Variants in LOC400499 observed in about 807,000 individuals in gnomAD.
At chr16:11,385,448 C>G in the LOC400499 span, 1 of 1,226,164 alleles carries the variant, frequency 8.2e-7, no homozygotes, top group Admixed American at 4.2e-5. Flanking sequence ...GCAGGGTGAG[C>G]GGGGCCAGCT....
At chr16:11,500,511 A>AAATAATAATAAT in the LOC400499 span, among the ~76,000 whole-genome samples, 4,328 of 143,856 alleles carry the variant, frequency 0.03, 143 homozygotes, top group African/African-American at 0.075. Context: ...ACTCCGTCCT[A>AAATAATAATAAT]AATAATAATA....
At chr16:11,376,573 C>T in the LOC400499 span, among the ~76,000 whole-genome samples, 2 of 152,208 alleles carry the variant, frequency 1.3e-5, no homozygotes, top group African/African-American at 4.8e-5. Flanking sequence ...TACGCCAGTA[C>T]CACACTTTTG....
chr16:11,433,725 G>A, the LOC400499 span, among the ~76,000 whole-genome samples: 5 of 152,252 alleles, frequency 3.3e-5, no homozygotes, highest in African/African-American at 1.2e-4. Flanking sequence ...TTAATAAGCG[G>A]TCATGCCCGC....
At chr16:11,429,318 G>A in the LOC400499 span, among the ~76,000 whole-genome samples, 2 of 152,120 alleles carry the variant, frequency 1.3e-5, no homozygotes, top group Non-Finnish European at 1.5e-5. Context: ...TGGCAGAGGA[G>A]AAGATGCACC....
At chr16:11,491,930 C>T in the LOC400499 span, 6 of 396,468 alleles carry the variant, frequency 1.5e-5, no homozygotes, top group African/African-American at 1.0e-4. Flanking sequence ...AGCAGGTGGA[C>T]CTGCTGCCTA....
the LOC400499 span, among the ~76,000 whole-genome samples, chr16:11,505,646 C>G: frequency 6.6e-6 from 1 of 151,620 alleles, no homozygotes; most frequent in Non-Finnish European, 1.5e-5. Flanking sequence ...GGCTCTCTCC[C>G]TGTGTTGCCC....
At chr16:11,432,565 C>T in the LOC400499 span, among the ~76,000 whole-genome samples, 1 of 152,206 alleles carries the variant, frequency 6.6e-6, no homozygotes, top group African/African-American at 2.4e-5. Flanking sequence ...AAGGTTCCTA[C>T]TCCAGGGTCA....
chr16:11,502,776 G>C, the LOC400499 span, among the ~76,000 whole-genome samples: 1 of 151,316 alleles, frequency 6.6e-6, no homozygotes, highest in South Asian at 2.1e-4. Flanking sequence ...GACCACGTCT[G>C]GCTTATTTTT....
At chr16:11,525,254 C>T in the LOC400499 span, among the ~76,000 whole-genome samples, 2,792 of 147,086 alleles carry the variant, frequency 0.019, 83 homozygotes, top group African/African-American at 0.067. Context: ...CTGGTGCGAT[C>T]GTATTCCAGC....
At chr16:11,447,878 T>A in the LOC400499 span, 2 of 1,498,222 alleles carry the variant, frequency 1.3e-6, no homozygotes, top group Admixed American at 2.1e-5. Context: ...GGATGCTCCG[T>A]GCTAGAGAAG....
the LOC400499 span, chr16:11,518,773 C>G: frequency 2.5e-6 from 1 of 397,164 alleles, no homozygotes; most frequent in Non-Finnish European, 4.4e-6. Context: ...ACAGAGAGGT[C>G]ACCCTAACCA....
the LOC400499 span, chr16:11,447,008 G>A: frequency 7.3e-7 from 1 of 1,376,374 alleles, no homozygotes; most frequent in Admixed American, 2.5e-5. Flanking sequence ...CCTGTCACGA[G>A]CTTGCAGAGT....
chr16:11,390,537 G>A, the LOC400499 span: 10 of 1,163,894 alleles, frequency 8.6e-6, no homozygotes, highest in Non-Finnish European at 1.1e-5. Context: ...AGACACGCCA[G>A]GCCTCGAGGA....
At chr16:11,387,393 G>C in the LOC400499 span, 1 of 999,500 alleles carries the variant, frequency 1.0e-6, no homozygotes, top group Non-Finnish European at 1.3e-6. Context: ...GAGCTCTGCA[G>C]TGGAGAGCAT....
the LOC400499 span, among the ~76,000 whole-genome samples, chr16:11,468,012 G>A: frequency 6.6e-6 from 1 of 152,100 alleles, no homozygotes; most frequent in Non-Finnish European, 1.5e-5. Flanking sequence ...CCACCTCCAA[G>A]CCAAGGAGCT....
At chr16:11,474,889 G>A in the LOC400499 span, among the ~76,000 whole-genome samples, 1,918 of 152,100 alleles carry the variant, frequency 0.013, 47 homozygotes, top group African/African-American at 0.044. Context: ...GTACAATATC[G>A]GGATCCCAAT....
At chr16:11,405,914 C>T in the LOC400499 span, among the ~76,000 whole-genome samples, 1 of 152,210 alleles carries the variant, frequency 6.6e-6, no homozygotes, top group East Asian at 1.9e-4. Flanking sequence ...TCCCCACCCA[C>T]CCAGCTCCAG....
chr16:11,493,734 C>T, the LOC400499 span: 2 of 395,758 alleles, frequency 5.1e-6, no homozygotes, highest in Non-Finnish European at 4.4e-6. Context: ...AGGCACTCAA[C>T]GTAGGGGTGA....
the LOC400499 span, among the ~76,000 whole-genome samples, chr16:11,481,616 C>T: frequency 1.3e-5 from 2 of 152,078 alleles, no homozygotes; most frequent in South Asian, 4.2e-4. Context: ...AGCCACCGCG[C>T]CCAGCCCTAT....
Sources: gnomAD v4.1 joint callset for allele counts (sites outside exome capture counted in the v4.1 genomes callset) on GRCh38, gnomAD v4.1.1 for gene constraint, MANE v1.5 for transcripts.